Variants in FGD4 observed in about 807,000 individuals in gnomAD.
FGD4 encodes the protein FYVE, RhoGEF and PH domain containing 4.
In FGD4, 42 loss-of-function variants were observed where a neutral mutation model predicts 102.0. That is an observed-to-expected ratio of 0.41 (90% CI 0.32 to 0.53). FGD4 has a LOEUF of 0.53. FGD4 is among the 20% of genes least tolerant of loss of function. The pLI is 0.21. For synonymous variants in FGD4, 380 were observed against 375.7 expected (o/e 1.01, Z -0.13); for missense variants, 902 against 1,078.2 (o/e 0.84, Z 2.29).
At position 32,645,563 on chromosome 12, in the gene FGD4, A is replaced by C. The variant is rs1420508296; in HGVS notation, c.*5030A>C. 1 of 152,234 alleles carries C rather than the reference A, an allele frequency of 6.6e-6. No homozygotes were observed. Among genetic ancestry groups the C allele is most frequent in the South Asian group, 2.1e-4 (1 of 4,830 alleles). The allele number at this position is 152,234 out of a possible 1,614,324, so 9.4% of individuals were successfully genotyped here. On this transcript the variant is annotated 3_prime_UTR_variant, in exon 17 of 17. Coordinates refer to ENST00000534526, the MANE Select transcript of FGD4 (RefSeq NM_001370298.3). The stretch of plus-strand genomic sequence containing the variant: ...ATCCCAGCACTTTGGGAGGCCGAGG[A>C]GTTCGAGACCAGCCTGGCCAACATG...
At chr12:32,559,061 T>C (rs1225279112) in intron 1 of FGD4, among the ~76,000 whole-genome samples, 2 of 152,256 alleles carry the variant, frequency 1.3e-5, no homozygotes, top group Non-Finnish European at 2.9e-5. Flanking sequence ...CTTCTTGATA[T>C]TGTAATTTGC....
intron 1 of FGD4, among the ~76,000 whole-genome samples, chr12:32,448,527 C>T (rs560499466): frequency 7.9e-5 from 12 of 152,124 alleles, no homozygotes; most frequent in Middle Eastern, 6.8e-3. Flanking sequence ...TGCGGTGGCA[C>T]ATGCCTGTAA....
chr12:32,577,720 T>C (rs1946244123), intron 3 of FGD4, among the ~76,000 whole-genome samples: 1 of 152,242 alleles, frequency 6.6e-6, no homozygotes, highest in Non-Finnish European at 1.5e-5. Context: ...TACAGTGATA[T>C]TTACTTAGAA....
At chr12:32,469,658 T>C (rs952972587) in intron 1 of FGD4, among the ~76,000 whole-genome samples, 18 of 150,900 alleles carry the variant, frequency 1.2e-4, no homozygotes, top group African/African-American at 4.1e-4. Context: ...ATTTTCTTTT[T>C]CTTCTTTGTT....
intron 1 of FGD4, among the ~76,000 whole-genome samples, chr12:32,464,838 T>C (rs1943209103): frequency 6.6e-6 from 1 of 152,242 alleles, no homozygotes; most frequent in Admixed American, 6.5e-5. Context: ...TGGTCCCTTA[T>C]AATAGACATT....
intron 1 of FGD4, among the ~76,000 whole-genome samples, chr12:32,419,904 G>A (rs1282027485): frequency 6.6e-6 from 1 of 151,470 alleles, no homozygotes; most frequent in Non-Finnish European, 1.5e-5. Context: ...TCTCCCAAAA[G>A]CACAAAATCT....
rs1951290252 is a variant in FGD4 at position 32,644,036 on chromosome 12, A to T, written c.*3503A>T. Reference sequence around the variant, plus strand: ...TATAGGTATCTTTGCTATAATGCAGAATAGATTAATGAAGATTTCCTATAT... The same window carrying T: ...TATAGGTATCTTTGCTATAATGCAGTATAGATTAATGAAGATTTCCTATAT... On this transcript the variant is annotated 3_prime_UTR_variant, in exon 17 of 17. Transcript: ENST00000534526. The T allele has an allele frequency of 6.6e-6, 1 of 152,168 alleles. No individual in the cohort carries two copies. The highest frequency in any genetic ancestry group is 6.5e-5 in the Admixed American group (1 of 15,284). 9.4% of individuals were successfully genotyped at this position (152,168 alleles called of 1,614,324 possible).
intron 10 of FGD4, among the ~76,000 whole-genome samples, chr12:32,617,978 G>A (rs1046241000): frequency 6.6e-6 from 1 of 152,180 alleles, no homozygotes; most frequent in African/African-American, 2.4e-5. Context: ...TGACAGTTTA[G>A]AATGTGAAGT....
intron 1 of FGD4, among the ~76,000 whole-genome samples, chr12:32,442,314 A>G (rs975208384): frequency 2.6e-5 from 4 of 151,952 alleles, no homozygotes; most frequent in African/African-American, 7.2e-5. Context: ...CAGCCCCCCA[A>G]AGTGCTGGGA....
chr12:32,410,694 A>G (rs912702933), intron 1 of FGD4, among the ~76,000 whole-genome samples: 7 of 152,066 alleles, frequency 4.6e-5, no homozygotes, highest in African/African-American at 1.4e-4. Context: ...ACATCCGTTC[A>G]TTGGAATTAA....
At chr12:32,622,012 C>T (rs1272665484) in intron 11 of FGD4, among the ~76,000 whole-genome samples, 2 of 152,072 alleles carry the variant, frequency 1.3e-5, no homozygotes, top group Non-Finnish European at 2.9e-5. Context: ...CTCAGCCTCC[C>T]GAGTAGCTGG....
At chr12:32,520,688 G>C (rs537034073) in intron 1 of FGD4, among the ~76,000 whole-genome samples, 1 of 151,758 alleles carries the variant, frequency 6.6e-6, no homozygotes, top group Non-Finnish European at 1.5e-5. Flanking sequence ...CACCCGCCTC[G>C]GCCTCCCAAA....
chr12:32,535,444 A>G (rs762701904), intron 1 of FGD4, among the ~76,000 whole-genome samples: 1 of 152,112 alleles, frequency 6.6e-6, no homozygotes, highest in Non-Finnish European at 1.5e-5. Flanking sequence ...CCACTCCTGC[A>G]GCTGCACAGC....
intron 5 of FGD4, chr12:32,600,525 T>C: frequency 9.0e-7 from 1 of 1,106,196 alleles, no homozygotes; most frequent in Non-Finnish European, 1.2e-6. Flanking sequence ...GTAGCCCTAG[T>C]GAAGTATAGC....
At chr12:32,633,809 A>C in intron 15 of FGD4, 120 bp downstream of exon 15, 2 of 903,714 alleles carry the variant, frequency 2.2e-6, no homozygotes, top group South Asian at 3.1e-5. Context: ...TCAGCCTCCC[A>C]AGTTGCTGGA....
intron 5 of FGD4, 67 bp downstream of exon 5, chr12:32,598,653 G>GAAACTGCATGA: frequency 7.5e-7 from 1 of 1,329,386 alleles, no homozygotes; most frequent in Non-Finnish European, 1.1e-6. Flanking sequence ...CTAGTAATTA[G>GAAACTGCATGA]AGTATTTTAG....
chr12:32,522,473 T>C (rs1399002528), intron 1 of FGD4, among the ~76,000 whole-genome samples: 1 of 152,176 alleles, frequency 6.6e-6, no homozygotes, highest in African/African-American at 2.4e-5. Context: ...ATCAGGCAGC[T>C]CATCAAAAAA....
rs547877498 is a variant in FGD4, at chr12:32,466,330, G to A, written c.166+66371G>A. 2.1e-4 allele frequency among the ~76,000 whole-genome samples: 32 copies of A among 152,152 alleles called. 1 individual carries two copies. In the South Asian group the frequency reaches 3.7e-3, roughly 18 times the overall value. ...TAAGGAATTAACTCATGAGATTATG[G>A]AGGCTGACAAGTCCAAATCTGCAGT... is the stretch of plus-strand genomic sequence containing the variant. On this transcript the variant is annotated intron_variant, in intron 1 of 16. Transcript: ENST00000534526.
At chr12:32,460,309 C>G (rs946412392) in intron 1 of FGD4, among the ~76,000 whole-genome samples, 2 of 151,900 alleles carry the variant, frequency 1.3e-5, no homozygotes, top group South Asian at 4.1e-4. Context: ...CCCAGGAGTT[C>G]GAGACCAGCC....
Sources: gnomAD v4.1 joint callset for allele counts (sites outside exome capture counted in the v4.1 genomes callset) on GRCh38, gnomAD v4.1.1 for gene constraint, MANE v1.5 for transcripts, NCBI Gene and HGNC (gene_info 2026-07-23, HGNC 2026-07-21) for gene names.